FMN2: variants seen among roughly 807,000 people sequenced by gnomAD.
FMN2 encodes formin 2.
Under a neutral mutation model 142.3 loss-of-function variants are expected in FMN2, and 51 were observed. That is an observed-to-expected ratio of 0.36 (90% CI 0.29 to 0.45). The LOEUF (loss-of-function observed/expected upper bound fraction) is 0.45. Ranked by LOEUF, FMN2 falls within the 20% of genes least tolerant of loss-of-function variation. The probability of loss-of-function intolerance (pLI) is 1.00; values close to 1 mark genes in which losing one functional copy is unlikely to be tolerated. For missense variants in FMN2, 1,936 were observed against 2,122.8 expected (o/e 0.91, Z 1.73); for synonymous variants, 882 against 869.8 (o/e 1.01, Z -0.25).
In FMN2 at chr1:240,188,158, G is replaced by C; in HGVS notation, c.1931-49G>C. ...GTTTTATTTTCTGATTGAAGAAATA[G>C]GAAAATTGTCCTTTAAGATACTGAC... On this transcript the variant is annotated intron_variant, in intron 3 of 17. Transcript: ENST00000319653. The C allele has an allele frequency of 1.9e-6, 3 of 1,561,596 alleles. No individual in the cohort carries two copies. In the Middle Eastern group the frequency reaches 5.1e-4, roughly 263 times the overall value.
chr1:240,267,853 T>A (rs1668870908), intron 7 of FMN2, among the ~76,000 whole-genome samples: 1 of 152,018 alleles, frequency 6.6e-6, no homozygotes, highest in Non-Finnish European at 1.5e-5. Flanking sequence ...GGGTAAAAGG[T>A]GTGAACACAC....
At chr1:240,149,325 T>G (rs1183160009) in intron 2 of FMN2, among the ~76,000 whole-genome samples, 1 of 152,230 alleles carries the variant, frequency 6.6e-6, no homozygotes, top group Non-Finnish European at 1.5e-5. Flanking sequence ...ACAGATATTT[T>G]TATCTGCCTT....
At chr1:240,259,730 A>G (rs1668566905) in intron 7 of FMN2, among the ~76,000 whole-genome samples, 1 of 152,238 alleles carries the variant, frequency 6.6e-6, no homozygotes, top group Non-Finnish European at 1.5e-5. Context: ...GAATTTATCT[A>G]GACCTCCAGC....
intron 15 of FMN2, among the ~76,000 whole-genome samples, chr1:240,436,674 C>G (rs1675384303): frequency 3.5e-5 from 1 of 28,400 alleles, no homozygotes; most frequent in African/African-American, 2.4e-4. Context: ...GAGACTCCGT[C>G]TCAAAAAAAA....
At chr1:240,292,004 T>C (rs947947206) in intron 7 of FMN2, among the ~76,000 whole-genome samples, 4 of 151,994 alleles carry the variant, frequency 2.6e-5, no homozygotes, top group African/African-American at 9.7e-5. Flanking sequence ...CCCTGCCCCA[T>C]AAAGGAACTG....
chr1:240,465,171 C>T (rs543033672), intron 16 of FMN2, among the ~76,000 whole-genome samples: 16 of 152,232 alleles, frequency 1.1e-4, no homozygotes, highest in African/African-American at 3.6e-4. Flanking sequence ...GAATAAACTT[C>T]CCCAGATCAC....
At chr1:240,165,181 T>C (rs1173720249) in intron 2 of FMN2, among the ~76,000 whole-genome samples, 1 of 152,208 alleles carries the variant, frequency 6.6e-6, no homozygotes, top group African/African-American at 2.4e-5. Context: ...TTTTTCTTTC[T>C]GTTTAAAAAT....
At chr1:240,336,971 A>G (rs936663563) in intron 13 of FMN2, among the ~76,000 whole-genome samples, 1 of 152,044 alleles carries the variant, frequency 6.6e-6, no homozygotes, top group African/African-American at 2.4e-5. Flanking sequence ...CTGAAATATA[A>G]ATTCAGTTAC....
chr1:240,427,147 A>G (rs1164924704), intron 15 of FMN2, among the ~76,000 whole-genome samples: 2 of 150,434 alleles, frequency 1.3e-5, no homozygotes, highest in Non-Finnish European at 2.9e-5. Context: ...AAATTCAATT[A>G]GTTCATGTAT....
intron 8 of FMN2, among the ~76,000 whole-genome samples, chr1:240,303,378 T>A (rs968351527): frequency 1.3e-5 from 2 of 152,308 alleles, no homozygotes; most frequent in East Asian, 3.9e-4. Flanking sequence ...CTTTAGTATA[T>A]CTGGAATGTC....
chr1:240,313,286 G>T lies in FMN2; in HGVS notation c.4216-15790G>T, dbSNP rs189243205. 2.8e-3 allele frequency among the ~76,000 whole-genome samples: 431 copies of T among 152,224 alleles called. 2 individuals carry two copies. Among genetic ancestry groups the T allele is most frequent in the South Asian group, 0.017 (82 of 4,828 alleles). ...GATGCTTCCTTTTTCTAACAAATAT[G>T]CATAACGCCCTTTTCACTATTCTGA... On this transcript the variant is annotated intron_variant, in intron 8 of 17. Coordinates refer to ENST00000319653, the MANE Select transcript of FMN2 (RefSeq NM_020066.5).
intron 7 of FMN2, among the ~76,000 whole-genome samples, chr1:240,266,550 T>C (rs1289032132): frequency 6.6e-6 from 1 of 152,132 alleles, no homozygotes; most frequent in Admixed American, 6.6e-5. Flanking sequence ...ATTTTGTTTG[T>C]TTTTTGGCTG....
intron 13 of FMN2, among the ~76,000 whole-genome samples, chr1:240,343,963 C>T (rs147283975): frequency 1.3e-5 from 2 of 152,242 alleles, no homozygotes; most frequent in East Asian, 3.9e-4. Context: ...AATGCCCCAG[C>T]ATTCTTAGAA....
At chr1:240,346,181 G>A (rs773373291) in intron 13 of FMN2, among the ~76,000 whole-genome samples, 5 of 151,808 alleles carry the variant, frequency 3.3e-5, no homozygotes, top group African/African-American at 4.8e-5. Flanking sequence ...CTCAAGCCAC[G>A]GATAGTACCA....
chr1:240,273,249 T>C (rs1669082158), intron 7 of FMN2, among the ~76,000 whole-genome samples: 1 of 152,208 alleles, frequency 6.6e-6, no homozygotes, highest in African/African-American at 2.4e-5. Flanking sequence ...AGACAATAGC[T>C]GATCATAATA....
At position 240,438,136 on chromosome 1, in the gene FMN2, C is replaced by T; in HGVS notation, c.4986C>T (p.Phe1662=). The change falls in exon 16 of 18, where the codon TTC becomes TTT. Residue 1662 remains phenylalanine, a synonymous_variant. Transcript: ENST00000319653. The part of the protein sequence containing the change: ...GEKEVSPNAF[F]SIWHEFSSDF... ...AGGAGGTGTCCCCAAATGCTTTCTT[C>T]AGTATCTGGCATGAATTCAGCTCTG... The T allele has an allele frequency of 6.2e-7, 1 of 1,614,102 alleles. No individual in the cohort carries two copies. Among genetic ancestry groups the T allele is most frequent in the South Asian group, 1.1e-5 (1 of 91,064 alleles).
rs767714911 is a variant in FMN2 at position 240,207,124 on chromosome 1, C to T, written c.2312C>T (p.Pro771Leu). The T allele has an allele frequency of 6.2e-7, 1 of 1,614,130 alleles. No homozygotes were observed. ...DGLPGRPPCP[P>L]GAESGPQTKF... ...CTGCCAGGGCGTCCTCCATGCCCCC[C>T]TGGGGCTGAAAGTGGACCTCAGACA... Residue 771 changes from proline to leucine, a missense_variant, in exon 5 of 18, where the codon CCT (proline) becomes CTT (leucine). This residue lies in a region of FMN2 where 478 missense variants were observed against 462.8 expected (regional missense o/e 1.03). Transcript: ENST00000319653.
intron 3 of FMN2, chr1:240,179,599 C>G (rs1558340954): frequency 6.6e-6 from 1 of 152,174 alleles, no homozygotes; most frequent in Non-Finnish European, 1.5e-5. Context: ...AGGCAGACTT[C>G]CTTTAAGCAA....
At chr1:240,437,988 G>T in intron 15 of FMN2, 73 bp from the exon 16 acceptor site, 1 of 1,523,764 alleles carries the variant, frequency 6.6e-7, no homozygotes, top group South Asian at 1.3e-5. Context: ...ATCAGCATTT[G>T]GATAGAGAAA....
Sources: gnomAD v4.1 joint callset for allele counts (sites outside exome capture counted in the v4.1 genomes callset) on GRCh38, gnomAD v4.1.1 for gene constraint, gnomAD v4.1.1 regional missense constraint, MANE v1.5 for transcripts, NCBI Gene and HGNC (gene_info 2026-07-23, HGNC 2026-07-21) for gene names.